The following PCDH15 variants were observed in gnomAD, a reference collection of about 807,000 sequenced individuals.
PCDH15 encodes protocadherin related 15.
Under a neutral mutation model 178.5 loss-of-function variants are expected in PCDH15, and 129 were observed. The ratio of observed to expected loss-of-function variants is 0.72; its 90% CI spans 0.63 to 0.84. PCDH15 has a LOEUF of 0.84. Among genes scored for constraint, PCDH15 ranks in the 40% least tolerant of loss-of-function variants. The pLI is 0.00. For missense variants in PCDH15, 2,230 were observed against 2,099.9 expected, an observed-to-expected ratio of 1.06 and a Z score of -1.21; for synonymous variants, 800 against 732.0, an observed-to-expected ratio of 1.09 and a Z score of -1.50.
intron 2 of PCDH15, among the ~76,000 whole-genome samples, chr10:54,631,517 G>A (rs1366972192): frequency 1.3e-5 from 2 of 152,092 alleles, no homozygotes; most frequent in African/African-American, 2.4e-5. Context: ...AAAGAACTCA[G>A]AACTACCGTT....
intron 3 of PCDH15, among the ~76,000 whole-genome samples, chr10:54,520,175 A>C (rs2138155770): frequency 6.6e-6 from 1 of 152,342 alleles, no homozygotes; most frequent in South Asian, 2.1e-4. Context: ...TGTCTAAAAC[A>C]CCAAAAGCAA....
chr10:53,894,703 A>C (rs1319763026), intron 26 of PCDH15, among the ~76,000 whole-genome samples: 3 of 152,234 alleles, frequency 2.0e-5, no homozygotes, highest in Non-Finnish European at 4.4e-5. Context: ...CAAGTATAAC[A>C]GTTGTCACAG....
At chr10:54,174,163 A>G (rs898846533) in intron 13 of PCDH15, among the ~76,000 whole-genome samples, 1 of 152,210 alleles carries the variant, frequency 6.6e-6, no homozygotes, top group African/African-American at 2.4e-5. Flanking sequence ...AATGAAGAAG[A>G]GGGAAAGAGG....
chr10:54,554,357 G>A (rs1172556377), intron 2 of PCDH15, among the ~76,000 whole-genome samples: 1 of 152,140 alleles, frequency 6.6e-6, no homozygotes, highest in Non-Finnish European at 1.5e-5. Flanking sequence ...TCTGGACAAA[G>A]TACAGAGGAA....
chr10:54,970,530 C>T (rs566647179), intron 2 of PCDH15, among the ~76,000 whole-genome samples: 116 of 152,146 alleles, frequency 7.6e-4, no homozygotes, highest in African/African-American at 2.7e-3. Context: ...AAACAAAGTA[C>T]AGTAGTCTTT....
At chr10:55,060,581 T>C (rs577313007) in intron 2 of PCDH15, among the ~76,000 whole-genome samples, 13 of 152,070 alleles carry the variant, frequency 8.5e-5, no homozygotes, top group South Asian at 2.1e-4. Context: ...ATATAGATAA[T>C]TCATATTTCT....
intron 3 of PCDH15, among the ~76,000 whole-genome samples, chr10:54,405,781 G>A (rs1163843177): frequency 6.7e-6 from 1 of 149,314 alleles, no homozygotes; most frequent in Non-Finnish European, 1.5e-5. Context: ...AGATGTATAA[G>A]AATATATACA....
In PCDH15 at chr10:55,400,041, T is replaced by A. The variant is rs994750626; in HGVS notation, c.-156+227584A>T. The stretch of plus-strand genomic sequence containing the variant: ...TATTCAATATTGTTTGGGTATAATT[T>A]ATTAACAATCTATGTGTTCAATCTT... On this transcript the variant is annotated intron_variant, in intron 2 of 5. Coordinates refer to the PCDH15 transcript ENST00000613346. Among the ~76,000 whole-genome samples, 7 of 152,270 alleles carry A rather than the reference T, an allele frequency of 4.6e-5. No homozygotes were observed. In the East Asian group the frequency reaches 1.3e-3, roughly 29 times the overall value.
chr10:53,950,876 C>T lies in PCDH15; in HGVS notation c.3122+8856G>A, dbSNP rs191278599. Among the ~76,000 whole-genome samples, 358 of 152,118 alleles carry T rather than the reference C, an allele frequency of 2.4e-3. 3 individuals carry two copies. The highest frequency in any genetic ancestry group is 4.0e-3 in the Non-Finnish European group (271 of 67,980). On this transcript the variant is annotated intron_variant, in intron 23 of 37. Transcript: ENST00000644397. ...TAAAATATATAAAGAGATAATTGAC[C>T]GAAAATCTCTTAGTAAATATGAACA...
Position 54,023,090 on chromosome 10 carries a change from C to T in PCDH15, c.2328G>A (p.Lys776=). The change falls in exon 19 of 38, where the codon AAG becomes AAA. Residue 776 remains lysine, a synonymous_variant. Coordinates refer to ENST00000644397, the MANE Select transcript of PCDH15 (RefSeq NM_001384140.1). The stretch of plus-strand genomic sequence containing the variant: ...AGTAGTCCCTGACTTCTCTGTTAAG[C>T]TTCACTGCTGTGTAAATGCTCCCAT... ...TSNGSIYTAV[K]LNREVRDYYE... is the part of the protein sequence containing the mutation. 1 of 1,613,988 alleles carries T rather than the reference C, an allele frequency of 6.2e-7. No homozygotes were observed. Among genetic ancestry groups the T allele is most frequent in the Non-Finnish European group, 8.5e-7 (1 of 1,179,908 alleles).
chr10:54,125,150 G>T lies in PCDH15; in HGVS notation c.1917+7725C>A, dbSNP rs556965610. ...AATTCGTTCATTAGTCAAATGTGTGGTTTTTTTTTTCCCTTCAGGTAACTG... is the reference window on the plus strand; with the variant it reads ...AATTCGTTCATTAGTCAAATGTGTGTTTTTTTTTTTCCCTTCAGGTAACTG... On this transcript the variant is annotated intron_variant, in intron 15 of 37. Coordinates refer to ENST00000644397, the MANE Select transcript of PCDH15 (RefSeq NM_001384140.1). Among the ~76,000 whole-genome samples the T allele has an allele frequency of 1.8e-3, 266 of 149,616 alleles. 1 individual carries two copies. The highest frequency in any genetic ancestry group is 1.7e-3 in the Admixed American group (25 of 14,940).
chr10:54,031,978 T>A (rs2093307001), intron 18 of PCDH15, among the ~76,000 whole-genome samples: 1 of 152,060 alleles, frequency 6.6e-6, no homozygotes, highest in African/African-American at 2.4e-5. Context: ...TAGTATTTGA[T>A]AATTATGCAG....
At chr10:55,081,624 G>C (rs1842044083) in intron 2 of PCDH15, among the ~76,000 whole-genome samples, 1 of 152,184 alleles carries the variant, frequency 6.6e-6, no homozygotes, top group Admixed American at 6.5e-5. Context: ...AAGGATGCCT[G>C]AGAGAGCTCC....
intron 15 of PCDH15, among the ~76,000 whole-genome samples, chr10:54,096,348 T>C (rs1242042301): frequency 6.6e-6 from 1 of 152,054 alleles, no homozygotes; most frequent in East Asian, 1.9e-4. Context: ...TGCATCAGCT[T>C]TAATTCTTAT....
intron 5 of PCDH15, among the ~76,000 whole-genome samples, chr10:54,360,359 T>C (rs1945804061): frequency 6.6e-6 from 1 of 152,114 alleles, no homozygotes; most frequent in Non-Finnish European, 1.5e-5. Flanking sequence ...TTGAGGCTAA[T>C]CTCCCATCTT....
chr10:54,345,663 C>T (rs1377868623), intron 6 of PCDH15, among the ~76,000 whole-genome samples: 4 of 151,554 alleles, frequency 2.6e-5, no homozygotes, highest in Non-Finnish European at 4.4e-5. Flanking sequence ...AGGCGGATCA[C>T]GAGGTCAGGA....
chr10:55,456,940 A>T (rs1839567040), intron 2 of PCDH15, among the ~76,000 whole-genome samples: 1 of 152,102 alleles, frequency 6.6e-6, no homozygotes, highest in Non-Finnish European at 1.5e-5. Flanking sequence ...TATTTTCTGA[A>T]TGAAATCACC....
At chr10:55,570,907 T>A (rs1288533639) in intron 2 of PCDH15, among the ~76,000 whole-genome samples, 1 of 152,130 alleles carries the variant, frequency 6.6e-6, no homozygotes, top group Non-Finnish European at 1.5e-5. Context: ...TAATCATTAC[T>A]TTTAGTTGTT....
At chr10:54,436,158 AAAGGAAGGAAGG>A (rs1003119993) in intron 3 of PCDH15, among the ~76,000 whole-genome samples, 1 of 148,302 alleles carries the variant, frequency 6.7e-6, no homozygotes, top group Non-Finnish European at 1.5e-5. Flanking sequence ...AGGAAGGAAG[AAAGGAAGGAAGG>A]AAGAAGGAAA....
Sources: gnomAD v4.1 joint callset for allele counts (sites outside exome capture counted in the v4.1 genomes callset) on GRCh38, gnomAD v4.1.1 for gene constraint, MANE v1.5 for transcripts, NCBI Gene and HGNC (gene_info 2026-07-23, HGNC 2026-07-21) for gene names.